Variants in PPEF1 observed in about 807,000 individuals in gnomAD.
PPEF1 encodes the protein protein phosphatase with EF-hand domain 1.
A neutral mutation model predicts 53.3 loss-of-function variants in PPEF1; 12 were observed. The ratio of observed to expected loss-of-function variants is 0.23; its 90% confidence interval spans 0.14 to 0.36. The LOEUF is 0.36. Ranked by LOEUF, PPEF1 falls within the 10% of genes least tolerant of loss-of-function variation. The probability of loss-of-function intolerance (pLI) is 1.00; values close to 1 mark genes in which losing one functional copy is unlikely to be tolerated. For synonymous variants in PPEF1, 165 were observed against 176.7 expected (o/e 0.93, Z 0.52); for missense variants, 334 against 490.4 (o/e 0.68, Z 3.01).
At chrX:18,740,370 A>G (rs1298193482) in intron 3 of PPEF1, among the ~76,000 whole-genome samples, 1 of 109,344 alleles carries the variant, frequency 9.1e-6, no homozygotes, top group East Asian at 2.8e-4. Context: ...CAAATTAAAC[A>G]CAGTTGGCCC....
At chrX:18,766,047 A>G (rs1213246019) in intron 6 of PPEF1, among the ~76,000 whole-genome samples, 12 of 99,379 alleles carry the variant, frequency 1.2e-4, no homozygotes, top group African/African-American at 4.4e-4. Context: ...CCTGGGGGAC[A>G]AGAGCAAAAC....
chrX:18,766,893 C>CA (rs34928610), intron 6 of PPEF1, among the ~76,000 whole-genome samples: 59 of 108,273 alleles, frequency 5.4e-4, no homozygotes, highest in African/African-American at 1.9e-3. Context: ...CTACTAAATA[C>CA]AAAAAAAAAT....
intron 10 of PPEF1, among the ~76,000 whole-genome samples, chrX:18,798,057 G>A (rs2046468364): frequency 9.1e-6 from 1 of 110,228 alleles, no homozygotes; most frequent in African/African-American, 3.3e-5. Context: ...CAGGAAAACT[G>A]GACTTGGGGA....
At chrX:18,729,127 T>C in intron 1 of PPEF1, among the ~76,000 whole-genome samples, 1 of 95,012 alleles carries the variant, frequency 1.1e-5, no homozygotes, top group Middle Eastern at 5.4e-3. Context: ...ATGTGCTTTT[T>C]ACCAGGCATT....
chrX:18,688,656 A>G (rs1237953428), intron 3 of PPEF1: 4 of 112,449 alleles, frequency 3.6e-5, no homozygotes, highest in African/African-American at 1.3e-4. Flanking sequence ...AGCTTTTGGC[A>G]TTGCTTTATT....
intron 4 of PPEF1, among the ~76,000 whole-genome samples, chrX:18,754,617 A>T (rs896988516): frequency 9.0e-6 from 1 of 111,433 alleles, no homozygotes; most frequent in African/African-American, 3.3e-5. Context: ...TCTTTTTTAA[A>T]GGCAGGGTCA....
At chrX:18,821,608 C>T (rs1393227712) in intron 13 of PPEF1, among the ~76,000 whole-genome samples, 1 of 110,409 alleles carries the variant, frequency 9.1e-6, no homozygotes, top group Non-Finnish European at 1.9e-5. Flanking sequence ...GACAAGGTTT[C>T]ATCATGTTAG....
chrX:18,772,829 G>A (rs1434443294), intron 6 of PPEF1, among the ~76,000 whole-genome samples: 4 of 112,207 alleles, frequency 3.6e-5, no homozygotes, highest in Non-Finnish European at 7.5e-5. Context: ...TTCCAAGATG[G>A]TTCATTCATG....
intron 5 of PPEF1, among the ~76,000 whole-genome samples, chrX:18,760,693 G>A (rs1441355955): frequency 9.2e-6 from 1 of 108,155 alleles, no homozygotes; most frequent in African/African-American, 3.4e-5. Context: ...CTGCAGCCTC[G>A]ACTTCCCAGG....
In PPEF1 at chrX:18,757,760, T is replaced by A. The variant is rs1458653205; in HGVS notation, c.511+19T>A. 14 of 1,131,306 alleles carry A rather than the reference T, an allele frequency of 1.2e-5. No homozygotes were observed. The highest frequency in any genetic ancestry group is 1.7e-5 in the Non-Finnish European group (14 of 823,706). The allele number at this position is 1,131,306 out of a possible 1,213,427, so 93.2% of individuals were successfully genotyped here. On this transcript the variant is annotated intron_variant, in intron 5 of 15. Coordinates refer to ENST00000470157, the MANE Select transcript of PPEF1 (RefSeq NM_001377996.1). ...ATCTGTGGTAAGTTTCAGAGCAGAGTTGTCCAATTAATATTTAGGAGCCTC... is the reference window on the plus strand; with the variant it reads ...ATCTGTGGTAAGTTTCAGAGCAGAGATGTCCAATTAATATTTAGGAGCCTC...
At chrX:18,789,335 A>C in intron 10 of PPEF1, 62 bp downstream of exon 10, 1 of 1,051,389 alleles carries the variant, frequency 9.5e-7, no homozygotes, top group Non-Finnish European at 1.3e-6. Context: ...GTTGTCCCTT[A>C]CAATATATAG....
intron 1 of PPEF1, among the ~76,000 whole-genome samples, chrX:18,711,040 ATATG>A (rs1165177061): frequency 2.9e-5 from 3 of 102,211 alleles, no homozygotes; most frequent in Non-Finnish European, 5.9e-5. Flanking sequence ...ATATACGTAT[ATATG>A]TATGTATGTG....
intron 1 of PPEF1, among the ~76,000 whole-genome samples, chrX:18,711,004 ATG>A (rs1042669862): frequency 1.1e-4 from 12 of 107,855 alleles, no homozygotes; most frequent in South Asian, 4.0e-4. Context: ...GTGTGTATAT[ATG>A]TGTGTGTGTG....
intron 12 of PPEF1, among the ~76,000 whole-genome samples, chrX:18,817,048 T>C (rs1019990526): frequency 2.0e-5 from 2 of 101,043 alleles, no homozygotes; most frequent in African/African-American, 7.3e-5. Context: ...TATGCCTGGA[T>C]TTACATCTAT....
At chrX:18,761,078 G>T (rs1259652409) in intron 5 of PPEF1, among the ~76,000 whole-genome samples, 4 of 111,273 alleles carry the variant, frequency 3.6e-5, no homozygotes, top group Non-Finnish European at 5.7e-5. Flanking sequence ...ATCACACCCA[G>T]CCAAGCTTGA....
intron 3 of PPEF1, among the ~76,000 whole-genome samples, chrX:18,746,195 T>C (rs909931348): frequency 5.3e-5 from 6 of 112,391 alleles, no homozygotes; most frequent in African/African-American, 1.3e-4. Context: ...GTTGCACAAA[T>C]CTTTATATAT....
At chrX:18,790,241 C>T (rs2046300278) in intron 10 of PPEF1, among the ~76,000 whole-genome samples, 2 of 112,025 alleles carry the variant, frequency 1.8e-5, no homozygotes, top group South Asian at 7.4e-4. Flanking sequence ...ATTTGTAGAT[C>T]TTCTTTGGAG....
chrX:18,819,521 A>G (rs2046988369), intron 13 of PPEF1, among the ~76,000 whole-genome samples: 1 of 109,062 alleles, frequency 9.2e-6, no homozygotes, highest in African/African-American at 3.4e-5. Flanking sequence ...CACCTCTACT[A>G]AAAATACAAA....
intron 12 of PPEF1, among the ~76,000 whole-genome samples, chrX:18,814,109 C>T (rs2046859852): frequency 9.0e-6 from 1 of 111,331 alleles, no homozygotes; most frequent in Admixed American, 9.7e-5. Context: ...GTTTTCTGTT[C>T]CTATGTTGAT....
Sources: gnomAD v4.1 joint callset for allele counts (sites outside exome capture counted in the v4.1 genomes callset) on GRCh38, gnomAD v4.1.1 for gene constraint, MANE v1.5 for transcripts, NCBI Gene and HGNC (gene_info 2026-07-23, HGNC 2026-07-21) for gene names.